The following CDH18 variants were observed in gnomAD, a reference collection of about 807,000 sequenced individuals.
CDH18 encodes the protein cadherin-18.
Under a neutral mutation model 67.9 loss-of-function variants are expected in CDH18, and 31 were observed. That is an observed-to-expected ratio of 0.46 (90% CI 0.34 to 0.62). CDH18 has a LOEUF of 0.62. Ranked by LOEUF, CDH18 falls within the 20% of genes least tolerant of loss-of-function variation. The probability of loss-of-function intolerance (pLI) is 0.01; values close to 1 mark genes in which losing one functional copy is unlikely to be tolerated. For synonymous variants in CDH18, 362 were observed against 347.2 expected, an observed-to-expected ratio of 1.04 and a Z score of -0.48; for missense variants, 890 against 975.5, an observed-to-expected ratio of 0.91 and a Z score of 1.17.
chr5:19,494,044 T>A (rs1358360352), intron 11 of CDH18, among the ~76,000 whole-genome samples: 1 of 152,158 alleles, frequency 6.6e-6, no homozygotes, highest in Non-Finnish European at 1.5e-5. Context: ...AACTGGCTGT[T>A]CACTTCTAAT....
chr5:19,994,258 TAC>T lies in CDH18; in HGVS notation c.-517-2246_-517-2245del, dbSNP rs1561694962. ...ATATACACACACATATACACATATA[TAC>T]ACATATATGTATACATATATACACA... is the stretch of plus-strand genomic sequence containing the variant. On this transcript the variant is annotated intron_variant, in intron 2 of 14. Transcript: ENST00000507958. Among the ~76,000 whole-genome samples the T allele has an allele frequency of 2.7e-5, 4 of 148,080 alleles. No homozygotes were observed. The South Asian group carries it at 8.4e-4, about 31-fold the overall frequency.
intron 3 of CDH18, among the ~76,000 whole-genome samples, chr5:19,748,030 G>A (rs1476788771): frequency 1.4e-5 from 2 of 145,282 alleles, no homozygotes; most frequent in Admixed American, 1.4e-4. Context: ...GGAAAATGGC[G>A]TGAACCTGGG....
chr5:20,095,650 G>A (rs1745930264), intron 2 of CDH18, among the ~76,000 whole-genome samples: 1 of 151,666 alleles, frequency 6.6e-6, no homozygotes, highest in East Asian at 2.0e-4. Flanking sequence ...TTCATGGCCT[G>A]TAAATTTTTT....
intron 2 of CDH18, among the ~76,000 whole-genome samples, chr5:20,163,142 A>T (rs1010943008): frequency 3.3e-5 from 5 of 151,940 alleles, no homozygotes; most frequent in Non-Finnish European, 7.4e-5. Flanking sequence ...ATTTCCTCAC[A>T]CTGCTTCATC....
chr5:19,542,067 G>C (rs1011415391), intron 9 of CDH18, among the ~76,000 whole-genome samples: 5 of 152,078 alleles, frequency 3.3e-5, no homozygotes, highest in Admixed American at 3.3e-4. Context: ...TTAGTGAAAG[G>C]TTACTTTTAC....
At chr5:20,203,050 G>C (rs1739573210) in intron 2 of CDH18, among the ~76,000 whole-genome samples, 1 of 152,090 alleles carries the variant, frequency 6.6e-6, no homozygotes, top group Non-Finnish European at 1.5e-5. Flanking sequence ...TAAGCAGAGA[G>C]TAAGAGAATT....
At chr5:19,919,773 A>G (rs367836073) in intron 2 of CDH18, among the ~76,000 whole-genome samples, 21 of 152,320 alleles carry the variant, frequency 1.4e-4, no homozygotes, top group African/African-American at 5.1e-4. Flanking sequence ...GCAAACAAAT[A>G]ATGGTGATAA....
chr5:19,626,696 GA>G (rs11426888), intron 5 of CDH18, among the ~76,000 whole-genome samples: 2,411 of 145,236 alleles, frequency 0.017, 31 homozygotes, highest in African/African-American at 0.039. Context: ...GCAGATTAGT[GA>G]AAAAAAAAAA....
intron 8 of CDH18, among the ~76,000 whole-genome samples, chr5:19,554,414 G>A (rs1738011456): frequency 2.0e-5 from 3 of 152,048 alleles, no homozygotes; most frequent in African/African-American, 7.2e-5. Flanking sequence ...GCCAAGCATG[G>A]TGGCACATGC....
At chr5:19,723,281 G>A (rs978196906) in intron 4 of CDH18, among the ~76,000 whole-genome samples, 10 of 151,460 alleles carry the variant, frequency 6.6e-5, no homozygotes, top group Admixed American at 6.6e-5. Flanking sequence ...AAAAAAAAAA[G>A]AAAGAAAATT....
chr5:20,106,856 AG>A (rs1746983636), intron 2 of CDH18, among the ~76,000 whole-genome samples: 1 of 152,240 alleles, frequency 6.6e-6, no homozygotes, highest in South Asian at 2.1e-4. Flanking sequence ...ATACAATAAA[AG>A]TTAGATAATG....
intron 11 of CDH18, among the ~76,000 whole-genome samples, chr5:19,495,495 C>G (rs921615650): frequency 6.6e-6 from 1 of 151,884 alleles, no homozygotes; most frequent in Non-Finnish European, 1.5e-5. Flanking sequence ...AATCCCAGCA[C>G]TTTGGGAGGC....
intron 1 of CDH18, among the ~76,000 whole-genome samples, chr5:20,453,683 A>G (rs1221881260): frequency 6.6e-6 from 1 of 151,848 alleles, no homozygotes; most frequent in East Asian, 1.9e-4. Flanking sequence ...GAAGAAAGAA[A>G]TGTTAAGTTG....
intron 2 of CDH18, among the ~76,000 whole-genome samples, chr5:20,076,818 T>C (rs1743985138): frequency 6.6e-6 from 1 of 152,190 alleles, no homozygotes; most frequent in Non-Finnish European, 1.5e-5. Context: ...TTTATCAACC[T>C]TTTGATATAA....
intron 1 of CDH18, among the ~76,000 whole-genome samples, chr5:20,344,524 T>C (rs2150048104): frequency 6.6e-6 from 1 of 151,690 alleles, no homozygotes; most frequent in African/African-American, 2.4e-5. Flanking sequence ...CCATAAGTAC[T>C]CCCAGAGCAA....
Position 19,843,984 on chromosome 5 carries a change from T to C in CDH18, c.-256-4742A>G, listed in dbSNP as rs186829530. 4.6e-3 allele frequency among the ~76,000 whole-genome samples: 704 copies of C among 152,354 alleles called. 1 individual carries two copies. The highest frequency in any genetic ancestry group is 0.018 in the South Asian group (89 of 4,830). On this transcript the variant is annotated intron_variant, in intron 2 of 12. Coordinates refer to ENST00000382275, the MANE Select transcript of CDH18 (RefSeq NM_004934.5). ...AACTATTCCCATTTCAGGGAGCATT[T>C]ATCCAATGACTCTATCCCCATTGTA...
At chr5:19,834,152 A>ATTTTTTTTTTTTTTTTTTT (rs36060099) in intron 3 of CDH18, among the ~76,000 whole-genome samples, 1 of 143,686 alleles carries the variant, frequency 7.0e-6, no homozygotes. Flanking sequence ...TGGTCCTGGG[A>ATTTTTTTTTTTTTTTTTTT]TTTTTTTTTT....
intron 11 of CDH18, among the ~76,000 whole-genome samples, chr5:19,484,667 A>G (rs368544229): frequency 2.6e-4 from 40 of 152,338 alleles, no homozygotes; most frequent in African/African-American, 9.4e-4. Flanking sequence ...CCCTTCCTGC[A>G]CTACTGACAA....
chr5:20,371,562 A>G (rs1743000771), intron 1 of CDH18, among the ~76,000 whole-genome samples: 1 of 152,198 alleles, frequency 6.6e-6, no homozygotes, highest in Non-Finnish European at 1.5e-5. Context: ...GAGACTAGTA[A>G]GAGTTATTTC....
Sources: gnomAD v4.1 joint callset for allele counts (sites outside exome capture counted in the v4.1 genomes callset) on GRCh38, gnomAD v4.1.1 for gene constraint, MANE v1.5 for transcripts, NCBI Gene and HGNC (gene_info 2026-07-23, HGNC 2026-07-21) for gene names.